SND1: variants seen among roughly 807,000 people sequenced by gnomAD.
SND1 encodes the protein staphylococcal nuclease domain-containing protein 1.
A neutral mutation model predicts 121.7 loss-of-function variants in SND1; 38 were observed. That is an observed-to-expected ratio of 0.31 (90% CI 0.24 to 0.41). The LOEUF is 0.41. SND1 is among the 10% of genes least tolerant of loss of function. The pLI is 1.00. For synonymous variants in SND1, 401 were observed against 447.4 expected (o/e 0.90, Z 1.31); for missense variants, 868 against 1,184.6 (o/e 0.73, Z 3.92).
At chr7:127,990,206 T>C (rs1042862033) in intron 15 of SND1, among the ~76,000 whole-genome samples, 1 of 152,216 alleles carries the variant, frequency 6.6e-6, no homozygotes, top group Non-Finnish European at 1.5e-5. Context: ...AAGAAGCGGA[T>C]ATATTATAAT....
intron 12 of SND1, among the ~76,000 whole-genome samples, chr7:127,859,923 A>C (rs892617193): frequency 6.6e-6 from 1 of 152,176 alleles, no homozygotes; most frequent in African/African-American, 2.4e-5. Context: ...GATACAGGTA[A>C]TAGGAGGAAT....
At chr7:127,968,577 G>T (rs143148242) in intron 15 of SND1, among the ~76,000 whole-genome samples, 2 of 152,304 alleles carry the variant, frequency 1.3e-5, no homozygotes, top group East Asian at 3.9e-4. Context: ...AACCAAATCT[G>T]GTTGATATTG....
At chr7:127,662,433 A>G (rs898249092) in intron 1 of SND1, among the ~76,000 whole-genome samples, 2 of 152,154 alleles carry the variant, frequency 1.3e-5, no homozygotes, top group African/African-American at 4.8e-5. Context: ...TTAGCTTTTC[A>G]TAATTCTAAG....
At chr7:127,941,742 A>G (rs979102492) in intron 15 of SND1, among the ~76,000 whole-genome samples, 3 of 152,134 alleles carry the variant, frequency 2.0e-5, no homozygotes, top group Non-Finnish European at 2.9e-5. Flanking sequence ...CATTTATGCT[A>G]TATTTGTACC....
chr7:127,948,134 A>C (rs1459687954), intron 15 of SND1, among the ~76,000 whole-genome samples: 2 of 152,190 alleles, frequency 1.3e-5, no homozygotes, highest in East Asian at 3.8e-4. Context: ...AGTGAATAAG[A>C]AATTGGAAGA....
At chr7:127,843,960 A>G (rs1456039584) in intron 11 of SND1, among the ~76,000 whole-genome samples, 1 of 152,214 alleles carries the variant, frequency 6.6e-6, no homozygotes, top group Non-Finnish European at 1.5e-5. Flanking sequence ...TTGTTGTTTA[A>G]GTTGGCAATT....
intron 16 of SND1, among the ~76,000 whole-genome samples, chr7:128,042,141 G>A (rs969576800): frequency 1.3e-5 from 2 of 152,038 alleles, no homozygotes; most frequent in African/African-American, 4.8e-5. Context: ...TACTCGATTT[G>A]TATTCAGTGC....
intron 15 of SND1, among the ~76,000 whole-genome samples, chr7:127,964,197 T>C (rs917161842): frequency 4.6e-5 from 7 of 151,538 alleles, no homozygotes; most frequent in Non-Finnish European, 8.8e-5. Flanking sequence ...TCTCCCATGT[T>C]ATAGGTTGCC....
At chr7:127,733,394 A>T (rs183609986) in intron 10 of SND1, among the ~76,000 whole-genome samples, 1 of 152,254 alleles carries the variant, frequency 6.6e-6, no homozygotes, top group East Asian at 1.9e-4. Context: ...TCTTTCAGTG[A>T]TCATGGTGTC....
At chr7:127,679,326 T>C (rs1795668540) in intron 1 of SND1, 1 of 152,214 alleles carries the variant, frequency 6.6e-6, no homozygotes, top group Admixed American at 6.5e-5. Flanking sequence ...AATTTTTTTG[T>C]TAATGTTTTT....
chr7:128,029,069 C>T lies in SND1; in HGVS notation c.1779+38013C>T, dbSNP rs200457381. The T allele has an allele frequency of 6.2e-7, 1 of 1,614,176 alleles. No individual in the cohort carries two copies. Among genetic ancestry groups the T allele is most frequent in the East Asian group, 2.2e-5 (1 of 44,884 alleles). Reference sequence around the variant, plus strand: ...AGCAGCCAATGATGATCTTGGTGGTCTTCATGACTTCATCCAGGCTGGTCT... The same window carrying T: ...AGCAGCCAATGATGATCTTGGTGGTTTTCATGACTTCATCCAGGCTGGTCT... On this transcript the variant is annotated intron_variant, in intron 16 of 23. Transcript: ENST00000354725. This position sits in a 1 kb window ranked among gnomAD's most constrained non-coding sequence, Gnocchi z 4.2.
intron 10 of SND1, among the ~76,000 whole-genome samples, chr7:127,768,321 C>T (rs1281437299): frequency 1.3e-5 from 2 of 152,186 alleles, no homozygotes; most frequent in Non-Finnish European, 2.9e-5. Context: ...GGCAGAATTA[C>T]AAGTAGGAGA....
chr7:128,032,525 G>A (rs902300415), intron 16 of SND1, among the ~76,000 whole-genome samples: 1 of 151,606 alleles, frequency 6.6e-6, no homozygotes, highest in Non-Finnish European at 1.5e-5. Flanking sequence ...GGGAGAGCCC[G>A]CGCCGGCCCC....
chr7:127,880,168 T>A (rs934044516), intron 12 of SND1, among the ~76,000 whole-genome samples: 2 of 152,344 alleles, frequency 1.3e-5, no homozygotes, highest in East Asian at 3.9e-4. Context: ...CCAGATTGTA[T>A]ACACTACCTG....
rs760091436 is a variant in SND1 at position 127,904,765 on chromosome 7, A to G, written c.1473A>G (p.Lys491=). 52 of 1,610,672 alleles carry G rather than the reference A, an allele frequency of 3.2e-5. No individual in the cohort carries two copies. The highest frequency in any genetic ancestry group is 3.9e-5 in the Non-Finnish European group (46 of 1,177,018). The change falls in exon 14 of 24, where the codon AAA becomes AAG. Residue 491 remains lysine, a synonymous_variant. Coordinates refer to ENST00000354725, the MANE Select transcript of SND1 (RefSeq NM_014390.4). ...AAEARAIKNG[K]GLHSKKEVPI... Reference sequence around the variant, plus strand: ...TTAACAGAGCTATTAAGAATGGCAAAGGATTGCATAGCAAGAAGGAAGTGC... The same window carrying G: ...TTAACAGAGCTATTAAGAATGGCAAGGGATTGCATAGCAAGAAGGAAGTGC...
At chr7:127,893,037 C>T (rs1403542068) in intron 13 of SND1, among the ~76,000 whole-genome samples, 1 of 152,098 alleles carries the variant, frequency 6.6e-6, no homozygotes, top group Non-Finnish European at 1.5e-5. Flanking sequence ...GCGAGCCTTC[C>T]AAACTTTAGG....
chr7:127,726,222 G>C (rs898636770), intron 10 of SND1, among the ~76,000 whole-genome samples: 1 of 152,168 alleles, frequency 6.6e-6, no homozygotes, highest in African/African-American at 2.4e-5. Context: ...CTGGATTTTG[G>C]TTGGAGCTTG....
At chr7:127,931,199 A>G (rs1040750533) in intron 15 of SND1, among the ~76,000 whole-genome samples, 2 of 152,212 alleles carry the variant, frequency 1.3e-5, no homozygotes, top group African/African-American at 4.8e-5. Flanking sequence ...GGAGTTGCAG[A>G]TCAGCCTGGG....
intron 15 of SND1, among the ~76,000 whole-genome samples, chr7:127,960,388 C>T (rs1357064412): frequency 3.3e-5 from 5 of 152,176 alleles, no homozygotes; most frequent in African/African-American, 4.8e-5. Flanking sequence ...AAAAATGACA[C>T]CCAGCCCACA....
Sources: allele counts gnomAD v4.1 joint callset (sites outside exome capture counted in the v4.1 genomes callset), GRCh38; gene constraint gnomAD v4.1.1; non-coding constraint Gnocchi (gnomAD v3.1); transcripts MANE v1.5; gene names NCBI Gene and HGNC (gene_info 2026-07-23, HGNC 2026-07-21).